IL1RAPL1: variants seen among roughly 807,000 people sequenced by gnomAD.
IL1RAPL1 encodes the protein interleukin 1 receptor accessory protein like 1, also known as interleukin-1 receptor accessory protein-like 1.
In IL1RAPL1, 3 loss-of-function variants were observed where a neutral mutation model predicts 48.4. That is an observed-to-expected ratio of 0.06 (90% CI 0.03 to 0.16). IL1RAPL1 has a LOEUF of 0.16. IL1RAPL1 is among the 10% of genes least tolerant of loss of function. The pLI, the probability that IL1RAPL1 is intolerant of heterozygous loss-of-function variation, is 1.00. For missense variants in IL1RAPL1, 349 were observed against 530.6 expected (o/e 0.66, Z 3.36); for synonymous variants, 185 against 187.7 (o/e 0.99, Z 0.12).
intron 1 of IL1RAPL1, among the ~76,000 whole-genome samples, chrX:28,769,521 A>G (rs1226731307): frequency 8.9e-6 from 1 of 111,816 alleles, no homozygotes; most frequent in Non-Finnish European, 1.9e-5. Flanking sequence ...ATACTTTTGT[A>G]TATTGGATAT....
At chrX:29,829,085 A>G (rs1472594109) in intron 6 of IL1RAPL1, among the ~76,000 whole-genome samples, 1 of 108,572 alleles carries the variant, frequency 9.2e-6, no homozygotes, top group African/African-American at 3.4e-5. Flanking sequence ...TTTTAACAAA[A>G]GGTATGCTTA....
chrX:29,588,276 A>G (rs1277130211), intron 5 of IL1RAPL1, among the ~76,000 whole-genome samples: 5 of 112,416 alleles, frequency 4.4e-5, no homozygotes, highest in African/African-American at 1.3e-4. Flanking sequence ...AACAATGGAT[A>G]AGGCTGTTGC....
chrX:28,697,482 T>A (rs1935246633), intron 1 of IL1RAPL1, among the ~76,000 whole-genome samples: 1 of 111,306 alleles, frequency 9.0e-6, no homozygotes, highest in Admixed American at 9.6e-5. Flanking sequence ...ATGTAATCTT[T>A]TAATATTTTT....
At chrX:29,550,200 T>C (rs979574879) in intron 5 of IL1RAPL1, among the ~76,000 whole-genome samples, 1 of 111,254 alleles carries the variant, frequency 9.0e-6, no homozygotes, top group Non-Finnish European at 1.9e-5. Context: ...TCTTTTCTTT[T>C]CTTTTTTTTG....
intron 2 of IL1RAPL1, among the ~76,000 whole-genome samples, chrX:28,947,064 C>G (rs975342763): frequency 6.3e-5 from 7 of 111,519 alleles, no homozygotes; most frequent in African/African-American, 2.0e-4. Flanking sequence ...TCAAGTTGTT[C>G]CATTTTTCTT....
At chrX:29,068,594 A>G (rs1411090084) in intron 2 of IL1RAPL1, among the ~76,000 whole-genome samples, 1 of 112,415 alleles carries the variant, frequency 8.9e-6, no homozygotes, top group Non-Finnish European at 1.9e-5. Context: ...ATGCAGGAAG[A>G]CCATTTCTGG....
chrX:29,876,655 T>C (rs1201436593), intron 6 of IL1RAPL1, among the ~76,000 whole-genome samples: 1 of 110,896 alleles, frequency 9.0e-6, no homozygotes, highest in African/African-American at 3.3e-5. Flanking sequence ...CAGTGCGATG[T>C]AGTAGAGTGA....
At chrX:29,905,848 A>G (rs1052508760) in intron 6 of IL1RAPL1, among the ~76,000 whole-genome samples, 2 of 111,475 alleles carry the variant, frequency 1.8e-5, no homozygotes, top group Non-Finnish European at 3.8e-5. Flanking sequence ...CTGATGTGAT[A>G]TGAGGGGACC....
At chrX:29,187,682 G>A (rs1930278353) in intron 2 of IL1RAPL1, among the ~76,000 whole-genome samples, 1 of 111,152 alleles carries the variant, frequency 9.0e-6, no homozygotes, top group Non-Finnish European at 1.9e-5. Flanking sequence ...AAAAATGTGA[G>A]CAATTCAAGA....
At chrX:29,712,013 G>A in intron 6 of IL1RAPL1, among the ~76,000 whole-genome samples, 1 of 110,525 alleles carries the variant, frequency 9.0e-6, no homozygotes, top group Non-Finnish European at 1.9e-5. Flanking sequence ...GCAGTCTACA[G>A]ACTTTACTAA....
chrX:29,401,007 A>C (rs12396490), intron 5 of IL1RAPL1, among the ~76,000 whole-genome samples: 1,753 of 111,719 alleles, frequency 0.016, 42 homozygotes, highest in African/African-American at 0.054. Context: ...GTTGGAGCAC[A>C]GTATCATGGA....
intron 5 of IL1RAPL1, among the ~76,000 whole-genome samples, chrX:29,531,769 G>T (rs1432368286): frequency 1.8e-5 from 2 of 111,913 alleles, no homozygotes; most frequent in Non-Finnish European, 3.8e-5. Context: ...ACTTCTGGTG[G>T]TTGCCAGCAG....
chrX:29,754,990 G>A (rs1479355559), intron 6 of IL1RAPL1, among the ~76,000 whole-genome samples: 4 of 112,248 alleles, frequency 3.6e-5, no homozygotes, highest in South Asian at 3.7e-4. Context: ...GGGCTCAACC[G>A]GGGAAGGATC....
intron 2 of IL1RAPL1, among the ~76,000 whole-genome samples, chrX:28,974,226 C>T (rs777155086): frequency 5.4e-5 from 6 of 111,696 alleles, no homozygotes; most frequent in Admixed American, 4.8e-4. Flanking sequence ...TGAGTTTTCT[C>T]TTTGACATAT....
intron 6 of IL1RAPL1, among the ~76,000 whole-genome samples, chrX:29,696,707 T>G (rs1232623042): frequency 9.0e-6 from 1 of 111,537 alleles, no homozygotes; most frequent in African/African-American, 3.3e-5. Context: ...CAGAAAAGTT[T>G]TTGGGGAACA....
intron 1 of IL1RAPL1, among the ~76,000 whole-genome samples, chrX:28,655,424 A>AT (rs954416910): frequency 4.5e-5 from 5 of 111,362 alleles, no homozygotes; most frequent in African/African-American, 1.6e-4. Context: ...ATATGGGTAA[A>AT]TTGCATGTTC....
intron 3 of IL1RAPL1, among the ~76,000 whole-genome samples, chrX:29,292,296 A>C (rs1932382513): frequency 9.0e-6 from 1 of 111,656 alleles, no homozygotes; most frequent in Non-Finnish European, 1.9e-5. Flanking sequence ...ACAAATTATG[A>C]ATGGCTTGTC....
intron 6 of IL1RAPL1, among the ~76,000 whole-genome samples, chrX:29,706,182 G>T (rs1023335850): frequency 8.9e-6 from 1 of 111,735 alleles, no homozygotes; most frequent in Non-Finnish European, 1.9e-5. Context: ...ATCTCCCACC[G>T]GGTCCCTCCC....
intron 6 of IL1RAPL1, among the ~76,000 whole-genome samples, chrX:29,845,188 T>A (rs1395502417): frequency 8.9e-6 from 1 of 111,744 alleles, no homozygotes; most frequent in Non-Finnish European, 1.9e-5. Context: ...CAGGCAATGT[T>A]TGAGCAAATA....
Sources: allele counts gnomAD v4.1 joint callset (sites outside exome capture counted in the v4.1 genomes callset), GRCh38; gene constraint gnomAD v4.1.1; transcripts MANE v1.5; gene names NCBI Gene and HGNC (gene_info 2026-07-23, HGNC 2026-07-21).